Variants in TANC1 observed in about 807,000 individuals in gnomAD.
TANC1 encodes protein TANC1.
TANC1 carries 77 observed loss-of-function variants against 149.7 expected under a neutral mutation model. That is an observed-to-expected ratio of 0.51 (90% CI 0.43 to 0.62). TANC1 has a LOEUF of 0.62. TANC1 is among the 20% of genes least tolerant of loss of function. TANC1 has a pLI of 0.00. For synonymous variants in TANC1, 854 were observed against 925.0 expected, an observed-to-expected ratio of 0.92 and a Z score of 1.39; for missense variants, 1,985 against 2,321.8, an observed-to-expected ratio of 0.85 and a Z score of 2.98.
At chr2:159,115,911 A>T (rs2048195086) in intron 4 of TANC1, among the ~76,000 whole-genome samples, 1 of 152,016 alleles carries the variant, frequency 6.6e-6, no homozygotes, top group Admixed American at 6.6e-5. Context: ...TTTCTGCCCT[A>T]CCACAGGTGT....
chr2:159,114,933 C>A (rs550188847), intron 4 of TANC1, among the ~76,000 whole-genome samples: 1 of 152,150 alleles, frequency 6.6e-6, no homozygotes, highest in Non-Finnish European at 1.5e-5. Flanking sequence ...CAGTCTTTCA[C>A]GCAGTGATTT....
At chr2:159,043,316 C>T (rs2040800700) in intron 2 of TANC1, among the ~76,000 whole-genome samples, 1 of 152,032 alleles carries the variant, frequency 6.6e-6, no homozygotes, top group Admixed American at 6.6e-5. Context: ...TTGGGAGGAA[C>T]TTACGGGCAT....
intron 4 of TANC1, among the ~76,000 whole-genome samples, chr2:159,106,578 G>A (rs968895148): frequency 1.3e-4 from 20 of 152,106 alleles, no homozygotes; most frequent in Non-Finnish European, 2.6e-4. Flanking sequence ...GTCTTCCATT[G>A]GTGGGTATTT....
intron 12 of TANC1, 140 bp downstream of exon 12, chr2:159,175,324 TC>T (rs1369023175): frequency 1.5e-6 from 1 of 662,106 alleles, no homozygotes; most frequent in African/African-American, 1.8e-5. Context: ...TCCGTGCCCA[TC>T]CACTCCTCTT....
At chr2:159,115,173 T>G (rs537436376) in intron 4 of TANC1, among the ~76,000 whole-genome samples, 100 of 54,534 alleles carry the variant, frequency 1.8e-3, no homozygotes, top group African/African-American at 2.7e-3. Context: ...CTGGTAAGGG[T>G]GTGTGTGTGT....
At chr2:159,067,027 A>G (rs1449026664) in intron 3 of TANC1, among the ~76,000 whole-genome samples, 7 of 152,200 alleles carry the variant, frequency 4.6e-5, no homozygotes, top group Non-Finnish European at 8.8e-5. Context: ...TCCTTGGAGA[A>G]TGACTGGTTT....
chr2:159,224,155 A>G, intron 22 of TANC1, 77 bp from the exon 23 acceptor site: 2 of 1,554,332 alleles, frequency 1.3e-6, no homozygotes, highest in Non-Finnish European at 1.8e-6. Context: ...TGAAGCTAAG[A>G]CTGCCCACCC....
intron 3 of TANC1, among the ~76,000 whole-genome samples, chr2:159,095,331 A>G (rs1464692577): frequency 6.6e-6 from 1 of 152,202 alleles, no homozygotes; most frequent in African/African-American, 2.4e-5. Flanking sequence ...CCAGGTTTAT[A>G]AAAACCGTCC....
At chr2:159,123,350 A>G (rs968214556) in intron 4 of TANC1, among the ~76,000 whole-genome samples, 6 of 152,104 alleles carry the variant, frequency 3.9e-5, no homozygotes, top group Non-Finnish European at 7.4e-5. Context: ...TGGAGGATGG[A>G]AAGAGAGAGT....
chr2:159,215,633 C>T (rs1278595623), intron 19 of TANC1, among the ~76,000 whole-genome samples: 6 of 152,214 alleles, frequency 3.9e-5, no homozygotes, highest in South Asian at 2.1e-4. Context: ...CTCTGAGACC[C>T]GAGCTCAGAA....
chr2:159,062,973 C>CATAAAAAAAAAA (rs1553534831), intron 2 of TANC1, among the ~76,000 whole-genome samples: 1 of 41,216 alleles, frequency 2.4e-5, no homozygotes, highest in Non-Finnish European at 5.4e-5. Context: ...GACTCCGTCT[C>CATAAAAAAAAAA]AAAAAAAAAA....
chr2:159,065,844 A>G lies in TANC1; in HGVS notation c.-15-52A>G, dbSNP rs1009671401. 4.4e-5 allele frequency: 64 copies of G among 1,470,196 alleles called. No homozygotes were observed. In the South Asian group the frequency reaches 6.0e-4, roughly 14 times the overall value. 91.1% of individuals were successfully genotyped at this position (1,470,196 alleles called of 1,614,324 possible). ...CCTCTTTTGTCAAGACACAAGTTATATTCCAACTTTCAATGTTTAATTCCT... is the reference window on the plus strand; with the variant it reads ...CCTCTTTTGTCAAGACACAAGTTATGTTCCAACTTTCAATGTTTAATTCCT... On this transcript the variant is annotated intron_variant, in intron 2 of 26. Coordinates refer to ENST00000263635, the MANE Select transcript of TANC1 (RefSeq NM_033394.3).
chr2:159,042,457 C>T (rs1212124426), intron 2 of TANC1, among the ~76,000 whole-genome samples: 3 of 152,034 alleles, frequency 2.0e-5, no homozygotes, highest in African/African-American at 7.2e-5. Flanking sequence ...ACAGGAGCTC[C>T]TTGTTGGAAT....
At chr2:158,996,765 C>CACGT (rs1387782401) in intron 1 of TANC1, among the ~76,000 whole-genome samples, 1 of 152,120 alleles carries the variant, frequency 6.6e-6, no homozygotes. Flanking sequence ...GTCAGGGATA[C>CACGT]ACGTAGACAT....
At position 159,208,582 on chromosome 2, in the gene TANC1, T is replaced by C. The variant is rs187395417; in HGVS notation, c.3245-8915T>C. On this transcript the variant is annotated intron_variant, in intron 19 of 26. Coordinates refer to ENST00000263635, the MANE Select transcript of TANC1 (RefSeq NM_033394.3). ...AGATAGCTCGGTGAAAATGGGTTCA[T>C]GTCTGTCGGCAGAGGGAGCCACATT... 5.4e-4 allele frequency among the ~76,000 whole-genome samples: 83 copies of C among 152,322 alleles called. 1 individual carries two copies. The highest frequency in any genetic ancestry group is 1.3e-4 in the Non-Finnish European group (9 of 68,032).
rs1338503731 is a variant in TANC1 at position 159,196,703 on chromosome 2, G to C, written c.3075G>C (p.Trp1025Cys). The change falls in exon 18 of 27, where the codon TGG becomes TGC. Residue 1025 changes from tryptophan (W) to cysteine (C), a missense_variant. Around this residue, in one of 3 missense-constraint regions of TANC1, gnomAD observed 508 missense variants for 714.2 expected, o/e 0.71. Transcript: ENST00000263635. ...TCCAGTACCTGCTGACTTGTGAGTG[G>C]TCGCCGGGTCCTCCCCAGCCAGGCA... is the stretch of plus-strand genomic sequence containing the variant. ...DILQYLLTCE[W>C]SPGPPQPGTL... 6.2e-7 allele frequency: 1 copy of C among 1,614,044 alleles called. No individual in the cohort carries two copies. The highest frequency in any genetic ancestry group is 1.7e-5 in the Admixed American group (1 of 60,020).
intron 6 of TANC1, 32 bp downstream of exon 6, chr2:159,149,304 C>T (rs752640042): frequency 6.2e-7 from 1 of 1,613,820 alleles, no homozygotes; most frequent in Non-Finnish European, 8.5e-7. Context: ...ACATTGCATA[C>T]CTCTTCAGAG....
chr2:159,172,988 C>T (rs1362411092), intron 11 of TANC1, among the ~76,000 whole-genome samples: 1 of 152,112 alleles, frequency 6.6e-6, no homozygotes, highest in African/African-American at 2.4e-5. Context: ...GCACCAGATC[C>T]CCGTCCCTTC....
chr2:159,210,210 T>C (rs1050604213), intron 19 of TANC1, among the ~76,000 whole-genome samples: 2 of 152,140 alleles, frequency 1.3e-5, no homozygotes, highest in Non-Finnish European at 2.9e-5. Flanking sequence ...GGGAAGCAGC[T>C]TCTGTGTGCG....
Sources: allele counts gnomAD v4.1 joint callset (sites outside exome capture counted in the v4.1 genomes callset), GRCh38; gene constraint gnomAD v4.1.1; regional missense constraint gnomAD v4.1.1; transcripts MANE v1.5; gene names NCBI Gene and HGNC (gene_info 2026-07-23, HGNC 2026-07-21).